The following ZDHHC11 variants were observed in gnomAD, a reference collection of about 807,000 sequenced individuals.
The protein encoded by ZDHHC11 is zDHHC palmitoyltransferase 11, also known as palmitoyltransferase ZDHHC11.
Under a neutral mutation model 51.3 loss-of-function variants are expected in ZDHHC11, and 44 were observed. The ratio of observed to expected loss-of-function variants is 0.86; its 90% CI spans 0.67 to 1.10. The LOEUF is 1.10. ZDHHC11 is among the 50% of genes least tolerant of loss of function. ZDHHC11 has a pLI of 0.00. For missense variants in ZDHHC11, 400 were observed against 537.7 expected, an observed-to-expected ratio of 0.74 and a Z score of 2.53; for synonymous variants, 163 against 222.0, an observed-to-expected ratio of 0.73 and a Z score of 2.36.
chr5:819,383 C>A lies in ZDHHC11; in HGVS notation c.1146+142G>T, dbSNP rs1210518228. 13 of 829,530 alleles carry A rather than the reference C, an allele frequency of 1.6e-5. 1 individual carries two copies. Among genetic ancestry groups the A allele is most frequent in the Non-Finnish European group, 2.5e-5 (13 of 514,452 alleles). 51.4% of individuals were successfully genotyped at this position (829,530 alleles called of 1,614,324 possible). On this transcript the variant is annotated intron_variant, in intron 10 of 12. Transcript: ENST00000283441. ...CATCTCTCTTCTGTGCTCCACCCAC[C>A]ATCATTCCCATGTGAGCAGCACCCT...
intron 11 of ZDHHC11, among the ~76,000 whole-genome samples, chr5:806,904 G>A (rs1400787967): frequency 6.6e-6 from 1 of 151,154 alleles, no homozygotes; most frequent in Non-Finnish European, 1.5e-5. Flanking sequence ...CTGTGAGAGT[G>A]TAACATGTGC....
upstream of ZDHHC11, among the ~76,000 whole-genome samples, chr5:855,639 G>C (rs766442322): frequency 6.7e-6 from 1 of 149,042 alleles, no homozygotes; most frequent in Non-Finnish European, 1.5e-5. Flanking sequence ...GTGAGCTGGG[G>C]GGCACAGACC....
chr5:813,497 C>T (rs929545796), intron 11 of ZDHHC11, among the ~76,000 whole-genome samples: 3 of 143,030 alleles, frequency 2.1e-5, no homozygotes, highest in South Asian at 2.2e-4. Context: ...CAAGCAGCTC[C>T]GAGCCATGAG....
At position 795,790 on chromosome 5, in the gene ZDHHC11, G is replaced by C. The variant is rs1452240633; in HGVS notation, c.*798C>G. ...TGAAAAACTCAGAATCCAGGTCTGG[G>C]GTTTCCCAGTACTATGCTCCCATTT... On this transcript the variant is annotated 3_prime_UTR_variant, in exon 13 of 13. Transcript: ENST00000283441. 1.3e-5 allele frequency: 2 copies of C among 152,618 alleles called. No homozygotes were observed. The highest frequency in any genetic ancestry group is 2.1e-4 in the South Asian group (1 of 4,848). 9.5% of individuals were successfully genotyped at this position (152,618 alleles called of 1,614,324 possible). A position where few individuals can be genotyped will look rare whatever the true frequency, so the allele number is the denominator to read the frequency against.
chr5:800,864 G>A (rs1177661057), intron 12 of ZDHHC11, among the ~76,000 whole-genome samples: 2 of 151,236 alleles, frequency 1.3e-5, no homozygotes, highest in Admixed American at 6.6e-5. Context: ...TCTATACATT[G>A]TTTACTGCCT....
chr5:853,014 G>GCA, upstream of ZDHHC11, among the ~76,000 whole-genome samples: 1 of 128,098 alleles, frequency 7.8e-6, no homozygotes, highest in Admixed American at 7.7e-5. Flanking sequence ...CAGACCCCAT[G>GCA]GAGGACAGCG....
At chr5:840,736 G>A in intron 4 of ZDHHC11, 86 bp from the exon 5 acceptor site, 1 of 1,591,712 alleles carries the variant, frequency 6.3e-7, no homozygotes, top group Non-Finnish European at 8.6e-7. Context: ...AGCGTGCTGG[G>A]GATGGGGCGG....
intron 11 of ZDHHC11, among the ~76,000 whole-genome samples, chr5:810,316 C>T (rs1475313899): frequency 3.4e-5 from 5 of 148,540 alleles, no homozygotes; most frequent in Admixed American, 6.8e-5. Flanking sequence ...GGTCTTCACA[C>T]GCGAAATCCT....
At chr5:834,631 G>A (rs1252053020) in intron 6 of ZDHHC11, among the ~76,000 whole-genome samples, 1 of 152,300 alleles carries the variant, frequency 6.6e-6, no homozygotes, top group Non-Finnish European at 1.5e-5. Context: ...GCACAGGAAT[G>A]AACACCTGGC....
At chr5:822,438 G>A (rs544693763) in intron 8 of ZDHHC11, among the ~76,000 whole-genome samples, 1 of 151,560 alleles carries the variant, frequency 6.6e-6, no homozygotes, top group African/African-American at 2.4e-5. Context: ...GTTCCTGCTT[G>A]TGGAAGCTCT....
chr5:828,476 G>T (rs912150101), intron 7 of ZDHHC11, among the ~76,000 whole-genome samples: 3 of 151,240 alleles, frequency 2.0e-5, no homozygotes, highest in African/African-American at 7.3e-5. Flanking sequence ...CCTCCCTCCC[G>T]GACGGGGGAC....
intron 7 of ZDHHC11, among the ~76,000 whole-genome samples, chr5:828,100 G>A (rs1268605739): frequency 2.0e-5 from 3 of 151,370 alleles, no homozygotes; most frequent in Non-Finnish European, 4.4e-5. Flanking sequence ...ATTTTTCTTA[G>A]TACAGAACAA....
At chr5:828,434 G>A (rs1457844624) in intron 7 of ZDHHC11, among the ~76,000 whole-genome samples, 1 of 150,788 alleles carries the variant, frequency 6.6e-6, no homozygotes, top group African/African-American at 2.4e-5. Flanking sequence ...CTCCTGGACG[G>A]GGCGGCCGGC....
chr5:836,172 A>G (rs181538097), intron 6 of ZDHHC11, among the ~76,000 whole-genome samples: 775 of 150,282 alleles, frequency 5.2e-3, no homozygotes, highest in Admixed American at 0.048. Flanking sequence ...CGTCAGGTAC[A>G]CAGGGTGCTT....
chr5:838,488 T>G (rs893353363), intron 5 of ZDHHC11, among the ~76,000 whole-genome samples: 1 of 151,914 alleles, frequency 6.6e-6, no homozygotes, highest in African/African-American at 2.4e-5. Flanking sequence ...GGGAGCTGCC[T>G]GTGGCCAGCC....
At chr5:834,223 G>A (rs10073206) in intron 6 of ZDHHC11, among the ~76,000 whole-genome samples, 13,279 of 150,812 alleles carry the variant, frequency 0.088, 143 homozygotes, top group African/African-American at 0.19. Flanking sequence ...TTTATTTGCA[G>A]CTGCCTGATG....
chr5:855,478 G>A (rs574460372), upstream of ZDHHC11, among the ~76,000 whole-genome samples: 38 of 149,988 alleles, frequency 2.5e-4, 1 homozygote, highest in African/African-American at 7.4e-4. Flanking sequence ...AGTGAGCAGC[G>A]GGGACAGACC....
At chr5:836,360 AT>A (rs1743851503) in intron 6 of ZDHHC11, among the ~76,000 whole-genome samples, 1 of 150,392 alleles carries the variant, frequency 6.6e-6, no homozygotes, top group Admixed American at 6.6e-5. Flanking sequence ...CCCTGGAGTG[AT>A]ATCACTTGGC....
chr5:801,189 A>T, intron 11 of ZDHHC11, 25 bp from the exon 12 acceptor site: 1 of 1,606,952 alleles, frequency 6.2e-7, no homozygotes, highest in Non-Finnish European at 8.5e-7. Flanking sequence ...CAGAAAGAGA[A>T]ACAACAGAGA....
Sources: allele counts gnomAD v4.1 joint callset (sites outside exome capture counted in the v4.1 genomes callset), GRCh38; gene constraint gnomAD v4.1.1; transcripts MANE v1.5; gene names NCBI Gene and HGNC (gene_info 2026-07-23, HGNC 2026-07-21).